Variants in NUP54 observed in about 807,000 individuals in gnomAD.
The protein encoded by NUP54 is nucleoporin 54.
In NUP54, 27 loss-of-function variants were observed where a neutral mutation model predicts 66.4. The observed-to-expected ratio is 0.41, with a 90% CI of 0.30 to 0.56. NUP54 has a LOEUF of 0.56. Ranked by LOEUF, NUP54 falls within the 20% of genes least tolerant of loss-of-function variation. The pLI, the probability that NUP54 is intolerant of heterozygous loss-of-function variation, is 0.34. For missense variants in NUP54, 486 were observed against 596.3 expected (o/e 0.82, Z 1.93); for synonymous variants, 206 against 210.7 (o/e 0.98, Z 0.19).
At chr4:76,133,549 C>T (rs555603055) in intron 5 of NUP54, among the ~76,000 whole-genome samples, 4 of 152,122 alleles carry the variant, frequency 2.6e-5, no homozygotes, top group Middle Eastern at 3.4e-3. Context: ...CCTCATGATC[C>T]GCCCGTCTCG....
intron 1 of NUP54, among the ~76,000 whole-genome samples, chr4:76,145,179 G>A (rs970900806): frequency 2.0e-5 from 3 of 151,826 alleles, no homozygotes; most frequent in Non-Finnish European, 4.4e-5. Flanking sequence ...TTAGCCGGGC[G>A]TGGCGGCGGG....
At chr4:76,127,744 TACA>T (rs1730606265) in intron 8 of NUP54, among the ~76,000 whole-genome samples, 1 of 152,150 alleles carries the variant, frequency 6.6e-6, no homozygotes, top group African/African-American at 2.4e-5. Flanking sequence ...AGAAGATATT[TACA>T]ACGTTATAAA....
At position 76,145,637 on chromosome 4, in the gene NUP54, A is replaced by G; in HGVS notation, c.68-1164T>C. ...CTAGCCAATCTAAAATTGTTTTGTT[A>G]TTTTTGTAACTTATTGTCAGTCTTC... On this transcript the variant is annotated intron_variant, in intron 1 of 11. Coordinates refer to ENST00000264883, the MANE Select transcript of NUP54 (RefSeq NM_017426.4). 3.5e-6 allele frequency: 4 copies of G among 1,141,688 alleles called. No individual in the cohort carries two copies. The South Asian group carries it at 5.6e-5, about 16-fold the overall frequency. The allele number at this position is 1,141,688 out of a possible 1,614,324, so 70.7% of individuals were successfully genotyped here.
rs751918562 is a variant in NUP54, at chr4:76,148,385, CAGG to C, written c.-14_-12del. ...AAAATTGAAGGCCATGTCGCGAAAG[CAGG>C]AGACCAAGTAGGTTACTCCTGCGAC... is the stretch of plus-strand genomic sequence containing the variant. On this transcript the variant is annotated 5_prime_UTR_variant, in exon 1 of 12. Coordinates refer to ENST00000264883, the MANE Select transcript of NUP54 (RefSeq NM_017426.4). 3 of 1,524,198 alleles carry C rather than the reference CAGG, an allele frequency of 2.0e-6. No individual in the cohort carries two copies. Among genetic ancestry groups the C allele is most frequent in the South Asian group, 1.3e-5 (1 of 78,356 alleles). The allele number at this position is 1,524,198 out of a possible 1,614,324, so 94.4% of individuals were successfully genotyped here. A position where few individuals can be genotyped will look rare whatever the true frequency, so the allele number is the denominator to read the frequency against.
intron 3 of NUP54, among the ~76,000 whole-genome samples, chr4:76,141,537 A>G (rs975428092): frequency 3.3e-5 from 5 of 152,078 alleles, no homozygotes; most frequent in Non-Finnish European, 5.9e-5. Context: ...TTATCCAGTC[A>G]TTCGCTTTTA....
chr4:76,117,520 A>G, intron 11 of NUP54, 144 bp downstream of exon 11: 2 of 579,782 alleles, frequency 3.4e-6, no homozygotes, highest in Non-Finnish European at 6.1e-6. Flanking sequence ...AGGCTGAACC[A>G]TTTTACATTC....
chr4:76,129,632 G>A (rs1325009641), intron 8 of NUP54, among the ~76,000 whole-genome samples: 1 of 152,098 alleles, frequency 6.6e-6, no homozygotes, highest in Non-Finnish European at 1.5e-5. Flanking sequence ...TCGGGAGGCC[G>A]AGATGGGTGG....
rs1249483594 is a variant in NUP54 at position 76,118,577 on chromosome 4, G to C, written c.1165-383C>G. ...TTTAATTTTTTTGTGGCGGGGTGGG[G>C]GGGGGGGTCTCACTATGTGGCCCAG... On this transcript the variant is annotated intron_variant, in intron 9 of 11. Transcript: ENST00000264883. 3.6e-5 allele frequency: 4 copies of C among 111,562 alleles called. 2 individuals carry two copies. Among genetic ancestry groups the C allele is most frequent in the African/African-American group, 1.5e-4 (4 of 26,762 alleles). 6.9% of individuals were successfully genotyped at this position (111,562 alleles called of 1,614,324 possible).
In NUP54 at chr4:76,132,517, A is replaced by G. The variant is rs1207811374; in HGVS notation, c.907+6T>C. On this transcript the variant is annotated splice_donor_region_variant and intron_variant, in intron 6 of 11. Transcript: ENST00000264883. ...TTTTTTGAACTCTGTGATTCTAGAA[A>G]CATACCAGCAGGAGGATTCTGTAAA... 1 of 1,571,324 alleles carries G rather than the reference A, an allele frequency of 6.4e-7. No individual in the cohort carries two copies. The highest frequency in any genetic ancestry group is 8.6e-7 in the Non-Finnish European group (1 of 1,159,112).
Position 76,148,397 on chromosome 4 carries a change from T to C in NUP54, c.-23A>G, listed in dbSNP as rs1354775828. 7.4e-6 allele frequency: 11 copies of C among 1,484,150 alleles called. 1 individual carries two copies. Among genetic ancestry groups the C allele is most frequent in the South Asian group, 6.8e-5 (5 of 73,510 alleles). 91.9% of individuals were successfully genotyped at this position (1,484,150 alleles called of 1,614,324 possible). ...CATGTCGCGAAAGCAGGAGACCAAG[T>C]AGGTTACTCCTGCGACGCGCAGCGC... On this transcript the variant is annotated 5_prime_UTR_variant, in exon 1 of 12. Coordinates refer to ENST00000264883, the MANE Select transcript of NUP54 (RefSeq NM_017426.4).
At chr4:76,139,977 G>A (rs60913446) in intron 3 of NUP54, among the ~76,000 whole-genome samples, 20,048 of 152,202 alleles carry the variant, frequency 0.13, 1,548 homozygotes, top group East Asian at 0.35. Context: ...CCAGATTGGC[G>A]AATAGTTTGT....
chr4:76,142,948 T>G (rs111728755), intron 3 of NUP54, among the ~76,000 whole-genome samples: 14 of 152,190 alleles, frequency 9.2e-5, no homozygotes, highest in African/African-American at 3.4e-4. Flanking sequence ...ACCAAACAGA[T>G]GAAGTCAAGT....
intron 3 of NUP54, among the ~76,000 whole-genome samples, chr4:76,140,610 TC>T (rs1731229168): frequency 6.6e-6 from 1 of 152,108 alleles, no homozygotes; most frequent in East Asian, 1.9e-4. Flanking sequence ...GTCAAGGCCA[TC>T]TGCTAAAAGT....
chr4:76,144,725 G>A (rs974208368), intron 1 of NUP54, among the ~76,000 whole-genome samples: 6 of 152,146 alleles, frequency 3.9e-5, no homozygotes, highest in African/African-American at 1.4e-4. Context: ...AATTAAAGGG[G>A]TGGTTAACAG....
At chr4:76,117,952 AG>A in intron 10 of NUP54, 122 bp downstream of exon 10, 1 of 1,095,242 alleles carries the variant, frequency 9.1e-7, no homozygotes, top group East Asian at 2.4e-5. Flanking sequence ...TACTTTAGAA[AG>A]GAAGTTCTAA....
chr4:76,125,755 GAGGGGGAGA>G (rs1730489229), intron 8 of NUP54, among the ~76,000 whole-genome samples: 1 of 24,896 alleles, frequency 4.0e-5, no homozygotes, highest in Admixed American at 3.3e-4. Context: ...GAGAGGGGGA[GAGGGGGAGA>G]GGGGGAGAGA....
At chr4:76,127,799 A>G (rs879905855) in intron 8 of NUP54, among the ~76,000 whole-genome samples, 2 of 152,216 alleles carry the variant, frequency 1.3e-5, no homozygotes, top group East Asian at 1.9e-4. Context: ...GAAGTTCAAT[A>G]AAGAAAAAAT....
chr4:76,143,257 C>G (rs1731341789), intron 3 of NUP54, among the ~76,000 whole-genome samples: 1 of 152,124 alleles, frequency 6.6e-6, no homozygotes, highest in Non-Finnish European at 1.5e-5. Flanking sequence ...TCAGAAAAGT[C>G]TTGACTAAAA....
intron 5 of NUP54, 140 bp from the exon 6 acceptor site, chr4:76,132,859 C>CTT: frequency 1.6e-6 from 1 of 640,242 alleles, no homozygotes; most frequent in Non-Finnish European, 2.5e-6. Context: ...TAAAATGTTT[C>CTT]CTTTTTTTTT....
Sources: allele counts gnomAD v4.1 joint callset (sites outside exome capture counted in the v4.1 genomes callset), GRCh38; gene constraint gnomAD v4.1.1; transcripts MANE v1.5; gene names NCBI Gene and HGNC (gene_info 2026-07-23, HGNC 2026-07-21).